The following C9 variants were observed in gnomAD, a reference collection of about 807,000 sequenced individuals.
The protein encoded by C9 is complement component C9.
A neutral mutation model predicts 65.4 loss-of-function variants in C9; 63 were observed. That is an observed-to-expected ratio of 0.96 (90% confidence interval 0.79 to 1.19). The LOEUF is 1.19. Ranked by LOEUF, C9 falls within the 50% of genes most tolerant of loss-of-function variation. C9 has a pLI of 0.00. For synonymous variants in C9, 229 were observed against 227.9 expected (o/e 1.00, Z -0.04); for missense variants, 744 against 670.1 (o/e 1.11, Z -1.22).
Position 39,364,479 on chromosome 5 carries a change from G to T in C9, c.-15C>A, listed in dbSNP as rs2287364. On this transcript the variant is annotated 5_prime_UTR_variant, in exon 1 of 11. Coordinates refer to ENST00000263408, the MANE Select transcript of C9 (RefSeq NM_001737.5). ...CAGGCTGACATGCTGCTCTTGCTGG[G>T]TGGCTGCGAGTGGGGTGGCAGGGCA... 1.3e-6 allele frequency: 2 copies of T among 1,534,748 alleles called. No homozygotes were observed. The highest frequency in any genetic ancestry group is 1.8e-6 in the Non-Finnish European group (2 of 1,109,436).
intron 10 of C9, among the ~76,000 whole-genome samples, chr5:39,288,376 C>T (rs1006381460): frequency 6.6e-6 from 1 of 151,556 alleles, no homozygotes; most frequent in Non-Finnish European, 1.5e-5. Context: ...CATATATATG[C>T]AAAGTGTATA....
chr5:39,320,296 G>C (rs963080069), intron 5 of C9, among the ~76,000 whole-genome samples: 1 of 152,014 alleles, frequency 6.6e-6, no homozygotes, highest in Non-Finnish European at 1.5e-5. Context: ...AACAAAATTA[G>C]AAGTTCAATA....
chr5:39,314,745 A>G (rs568746695), intron 6 of C9, among the ~76,000 whole-genome samples: 3 of 152,286 alleles, frequency 2.0e-5, no homozygotes, highest in Non-Finnish European at 2.9e-5. Flanking sequence ...TCTCATCTCC[A>G]TGAAGCTAAG....
Position 39,341,993 on chromosome 5 carries a change from A to C in C9, c.183+98T>G, listed in dbSNP as rs1479647222. 5 of 808,604 alleles carry C rather than the reference A, an allele frequency of 6.2e-6. No individual in the cohort carries two copies. In the African/African-American group the frequency reaches 8.4e-5, roughly 14 times the overall value. 50.1% of individuals were successfully genotyped at this position (808,604 alleles called of 1,614,324 possible). On this transcript the variant is annotated intron_variant, in intron 2 of 10. Coordinates refer to ENST00000263408, the MANE Select transcript of C9 (RefSeq NM_001737.5). ...ATCTCTCTTTCTGGGTTTGGAACTC[A>C]GTTGTGGGGCTCCCTGCCTCATAAT...
rs1579846694 is a variant in C9 at position 39,306,628 on chromosome 5, T to C, written c.1405A>G (p.Ile469Val). ...ASSINDAPVL[I>V]SQKLSPIYNL... is the part of the protein sequence containing the mutation. ...AACACGTTTCTTACTTTTTGACTAATGAGAACAGGAGCATCATTTATGGAA... is the reference window on the plus strand; with the variant it reads ...AACACGTTTCTTACTTTTTGACTAACGAGAACAGGAGCATCATTTATGGAA... Residue 469 changes from isoleucine to valine, a missense_variant, in exon 9 of 11, where the codon ATT becomes GTT. Ile to Val is a conservative substitution (Grantham distance 29). Transcript: ENST00000263408. 6.2e-7 allele frequency: 1 copy of C among 1,612,934 alleles called. No homozygotes were observed. The highest frequency in any genetic ancestry group is 8.5e-7 in the Non-Finnish European group (1 of 1,178,974).
At chr5:39,300,069 A>G (rs1345322005) in intron 9 of C9, among the ~76,000 whole-genome samples, 1 of 152,096 alleles carries the variant, frequency 6.6e-6, no homozygotes, top group Non-Finnish European at 1.5e-5. Flanking sequence ...TTTAGACTCA[A>G]TGCCACAATA....
intron 1 of C9, among the ~76,000 whole-genome samples, chr5:39,358,587 G>A (rs1754449821): frequency 1.3e-5 from 2 of 152,132 alleles, no homozygotes; most frequent in Admixed American, 1.3e-4. Flanking sequence ...TTGACTACTG[G>A]GGAGTGGACA....
intron 4 of C9, among the ~76,000 whole-genome samples, chr5:39,335,411 C>T (rs1245980557): frequency 6.6e-6 from 1 of 152,158 alleles, no homozygotes; most frequent in Admixed American, 6.5e-5. Flanking sequence ...CACAATCAGC[C>T]CTCCATATCT....
chr5:39,345,705 A>G lies in C9; in HGVS notation c.78-3509T>C, dbSNP rs190622340. Among the ~76,000 whole-genome samples the G allele has an allele frequency of 1.5e-3, 223 of 152,338 alleles. 1 individual carries two copies. Among genetic ancestry groups the G allele is most frequent in the African/African-American group, 4.0e-3 (165 of 41,574 alleles). ...ACATCTACAGAACTTTCCACCCCAA[A>G]TCAACAGAATATACATTCTCAGCAC... On this transcript the variant is annotated intron_variant, in intron 1 of 10. Transcript: ENST00000263408.
intron 1 of C9, among the ~76,000 whole-genome samples, chr5:39,353,424 A>G (rs1754357463): frequency 1.3e-5 from 2 of 152,208 alleles, no homozygotes; most frequent in South Asian, 4.1e-4. Context: ...ACTCCACTTA[A>G]GCTCCAGCTA....
intron 5 of C9, among the ~76,000 whole-genome samples, chr5:39,325,089 A>G (rs1184937013): frequency 6.6e-6 from 1 of 152,216 alleles, no homozygotes; most frequent in Non-Finnish European, 1.5e-5. Context: ...GTAAATAGAG[A>G]GTAAGTAGAG....
chr5:39,320,149 A>G (rs1396830891), intron 5 of C9, among the ~76,000 whole-genome samples: 1 of 152,216 alleles, frequency 6.6e-6, no homozygotes, highest in African/African-American at 2.4e-5. Context: ...AAAATAAAGC[A>G]CTGGTAACTG....
chr5:39,334,179 C>G (rs1753906574), intron 4 of C9, among the ~76,000 whole-genome samples: 1 of 151,538 alleles, frequency 6.6e-6, no homozygotes, highest in East Asian at 2.0e-4. Context: ...GCGCCTCTTC[C>G]CGGCCGCCAT....
At chr5:39,360,752 T>A (rs914366030) in intron 1 of C9, among the ~76,000 whole-genome samples, 3 of 152,208 alleles carry the variant, frequency 2.0e-5, no homozygotes, top group African/African-American at 7.2e-5. Context: ...ATACCTATTT[T>A]TTTTTTAACC....
intron 1 of C9, among the ~76,000 whole-genome samples, chr5:39,346,765 A>G (rs978936920): frequency 2.0e-5 from 3 of 152,232 alleles, no homozygotes; most frequent in African/African-American, 4.8e-5. Flanking sequence ...TGATGCAAAA[A>G]TCCTCAATAA....
At chr5:39,346,454 T>C (rs1754196692) in intron 1 of C9, among the ~76,000 whole-genome samples, 1 of 152,128 alleles carries the variant, frequency 6.6e-6, no homozygotes, top group African/African-American at 2.4e-5. Flanking sequence ...ACATACACTC[T>C]CCCAAGACTA....
At chr5:39,298,954 C>A (rs1753235759) in intron 9 of C9, among the ~76,000 whole-genome samples, 1 of 151,726 alleles carries the variant, frequency 6.6e-6, no homozygotes, top group Non-Finnish European at 1.5e-5. Context: ...ATATGATCAT[C>A]TCAATAAAGA....
intron 9 of C9, among the ~76,000 whole-genome samples, chr5:39,294,383 T>A (rs778461740): frequency 1.3e-4 from 20 of 151,576 alleles, no homozygotes; most frequent in Non-Finnish European, 5.9e-5. Flanking sequence ...AATAGAGATA[T>A]CACAACAGAT....
intron 9 of C9, among the ~76,000 whole-genome samples, chr5:39,290,647 A>T (rs943971813): frequency 6.6e-6 from 1 of 151,838 alleles, no homozygotes; most frequent in Non-Finnish European, 1.5e-5. Context: ...ACTAATAAGA[A>T]AATAAAAAAT....
Sources: allele counts gnomAD v4.1 joint callset (sites outside exome capture counted in the v4.1 genomes callset), GRCh38; gene constraint gnomAD v4.1.1; transcripts MANE v1.5; gene names NCBI Gene and HGNC (gene_info 2026-07-23, HGNC 2026-07-21).